Variants in KMT2C observed in about 807,000 individuals in gnomAD.
KMT2C encodes histone-lysine N-methyltransferase 2C.
A neutral mutation model predicts 507.9 loss-of-function variants in KMT2C; 88 were observed. The ratio of observed to expected loss-of-function variants is 0.17; its 90% CI spans 0.15 to 0.21. The LOEUF (loss-of-function observed/expected upper bound fraction) is 0.21, where lower values mean the gene tolerates loss of function less well. KMT2C is among the 10% of genes least tolerant of loss of function. The probability of loss-of-function intolerance (pLI) is 1.00; values close to 1 mark genes in which losing one functional copy is unlikely to be tolerated. For missense variants in KMT2C, 4,954 were observed against 5,957.8 expected, an observed-to-expected ratio of 0.83 and a Z score of 5.55; for synonymous variants, 2,049 against 2,080.8, an observed-to-expected ratio of 0.98 and a Z score of 0.42.
At position 152,248,368 on chromosome 7, in the gene KMT2C, A is replaced by C. The variant is rs138046965; in HGVS notation, c.2066T>G (p.Met689Arg). Residue 689 changes from methionine (M) to arginine (R), a missense_variant, in exon 14 of 59, where the codon ATG becomes AGG. Around this residue, in one of 29 missense-constraint regions of KMT2C, gnomAD observed 376 missense variants for 352.4 expected, o/e 1.07. Coordinates refer to ENST00000262189, the MANE Select transcript of KMT2C (RefSeq NM_170606.3). The part of the protein sequence containing the change: ...REESRPPKLV[M>R]ESVTLPLETL... ...TTCTAGTGGAAGAGTGACAGATTCC[A>C]TGACTAATTTTGGAGGCCTTGATTC... is the stretch of plus-strand genomic sequence containing the variant. 1 of 1,613,986 alleles carries C rather than the reference A, an allele frequency of 6.2e-7. No individual in the cohort carries two copies. Among genetic ancestry groups the C allele is most frequent in the East Asian group, 2.2e-5 (1 of 44,872 alleles).
chr7:152,187,541 T>C (rs867432811), intron 32 of KMT2C, 65 bp from the exon 33 acceptor site: 14 of 1,471,556 alleles, frequency 9.5e-6, no homozygotes, highest in Middle Eastern at 3.6e-4. Context: ...TGTTCAAGTA[T>C]AGCTTTCATT....
At chr7:152,159,949 T>G (rs1389821891) in intron 43 of KMT2C, among the ~76,000 whole-genome samples, 1 of 152,246 alleles carries the variant, frequency 6.6e-6, no homozygotes, top group Non-Finnish European at 1.5e-5. Context: ...ATGGCAACAT[T>G]TTTATGTAAA....
At chr7:152,380,247 A>AC (rs933355660) in intron 1 of KMT2C, among the ~76,000 whole-genome samples, 19 of 144,908 alleles carry the variant, frequency 1.3e-4, no homozygotes, top group Admixed American at 6.4e-4. Context: ...CTCCAAAAAA[A>AC]AAAACAAAAC....
intron 3 of KMT2C, among the ~76,000 whole-genome samples, chr7:152,320,218 C>G (rs2096760641): frequency 6.6e-6 from 1 of 152,000 alleles, no homozygotes; most frequent in Non-Finnish European, 1.5e-5. Flanking sequence ...AAAAAAAATC[C>G]AAAATCCAAA....
chr7:152,398,899 C>G (rs2097553778), intron 1 of KMT2C, among the ~76,000 whole-genome samples: 2 of 152,166 alleles, frequency 1.3e-5, no homozygotes, highest in African/African-American at 2.4e-5. Flanking sequence ...ACAATCTTGA[C>G]TCAATGCAAC....
At chr7:152,290,258 G>GTATATGTA (rs2096393195) in intron 6 of KMT2C, among the ~76,000 whole-genome samples, 1 of 26,242 alleles carries the variant, frequency 3.8e-5, no homozygotes, top group Admixed American at 7.8e-4. Context: ...GTGTGTATGT[G>GTATATGTA]TATATATATA....
intron 46 of KMT2C, among the ~76,000 whole-genome samples, chr7:152,155,179 CTACTGAGG>C (rs2091954681): frequency 1.3e-5 from 2 of 152,136 alleles, no homozygotes; most frequent in South Asian, 4.1e-4. Context: ...AAAGGCTGGC[CTACTGAGG>C]TACAGTAGAA....
intron 1 of KMT2C, among the ~76,000 whole-genome samples, chr7:152,398,374 C>A (rs1403910107): frequency 1.3e-5 from 2 of 152,064 alleles, no homozygotes; most frequent in Admixed American, 1.3e-4. Context: ...AGATCAACCA[C>A]AAAGTGACAA....
At chr7:152,304,420 T>C (rs184286385) in intron 6 of KMT2C, among the ~76,000 whole-genome samples, 2 of 152,318 alleles carry the variant, frequency 1.3e-5, no homozygotes, top group Non-Finnish European at 1.5e-5. Context: ...TATCAGAAAA[T>C]TCCATGTTCA....
intron 2 of KMT2C, among the ~76,000 whole-genome samples, chr7:152,344,586 TGTTGTAAA>T (rs780350387): frequency 9.9e-5 from 15 of 152,104 alleles, no homozygotes; most frequent in Non-Finnish European, 1.8e-4. Context: ...GACTTGGGTT[TGTTGTAAA>T]CATATATTAC....
At chr7:152,377,434 T>C (rs1253061890) in intron 1 of KMT2C, among the ~76,000 whole-genome samples, 1 of 152,236 alleles carries the variant, frequency 6.6e-6, no homozygotes, top group African/African-American at 2.4e-5. Flanking sequence ...TAAGTCTTAC[T>C]GTTTAAGAAA....
chr7:152,232,697 T>C (rs1159360656), intron 16 of KMT2C, among the ~76,000 whole-genome samples: 1 of 152,158 alleles, frequency 6.6e-6, no homozygotes, highest in East Asian at 1.9e-4. Context: ...GTTACATGCA[T>C]AGTATTAACA....
At chr7:152,418,827 G>A (rs188310152) in intron 1 of KMT2C, among the ~76,000 whole-genome samples, 71 of 151,002 alleles carry the variant, frequency 4.7e-4, no homozygotes, top group Admixed American at 1.5e-3. Flanking sequence ...GGGAAAGTAG[G>A]TTACAAAACT....
At chr7:152,146,846 C>A (rs1234745206) in intron 52 of KMT2C, 111 bp from the exon 53 acceptor site, 11 of 945,556 alleles carry the variant, frequency 1.2e-5, no homozygotes, top group South Asian at 1.7e-5. Flanking sequence ...CAAATAAATC[C>A]TGTTGGGCAA....
intron 14 of KMT2C, among the ~76,000 whole-genome samples, chr7:152,240,768 T>C (rs558766929): frequency 2.6e-5 from 4 of 152,300 alleles, no homozygotes; most frequent in African/African-American, 9.6e-5. Flanking sequence ...CAAGACTTTT[T>C]ATCTTCAAGT....
chr7:152,210,532 T>G (rs956999644), intron 23 of KMT2C, among the ~76,000 whole-genome samples: 1 of 151,914 alleles, frequency 6.6e-6, no homozygotes, highest in Non-Finnish European at 1.5e-5. Flanking sequence ...TATGAGACTT[T>G]TTATGAGTTT....
At chr7:152,348,146 G>A (rs2097077455) in intron 2 of KMT2C, among the ~76,000 whole-genome samples, 1 of 152,104 alleles carries the variant, frequency 6.6e-6, no homozygotes, top group Admixed American at 6.5e-5. Context: ...TACACAAGAA[G>A]AAATAATCTG....
At chr7:152,151,925 T>TA (rs1048554599) in intron 49 of KMT2C, among the ~76,000 whole-genome samples, 59 of 152,218 alleles carry the variant, frequency 3.9e-4, no homozygotes, top group Admixed American at 1.8e-3. Context: ...GTTAAGATGG[T>TA]AAAAAAACAT....
intron 3 of KMT2C, among the ~76,000 whole-genome samples, chr7:152,325,301 A>G (rs1343980435): frequency 6.6e-6 from 1 of 151,772 alleles, no homozygotes; most frequent in African/African-American, 2.4e-5. Context: ...GGTGCCCACC[A>G]CCACGCCCAG....
Sources: gnomAD v4.1 joint callset for allele counts (sites outside exome capture counted in the v4.1 genomes callset) on GRCh38, gnomAD v4.1.1 for gene constraint, gnomAD v4.1.1 regional missense constraint, MANE v1.5 for transcripts, NCBI Gene and HGNC (gene_info 2026-07-23, HGNC 2026-07-21) for gene names.